Variants in SFMBT2 observed in about 807,000 individuals in gnomAD.
SFMBT2 encodes scm-like with four MBT domains protein 2.
In SFMBT2, 38 loss-of-function variants were observed where a neutral mutation model predicts 110.1. The observed-to-expected ratio is 0.35, with a 90% CI of 0.27 to 0.45. The LOEUF (loss-of-function observed/expected upper bound fraction) is 0.45, where lower values mean the gene tolerates loss of function less well. Among genes scored for constraint, SFMBT2 ranks in the 20% least tolerant of loss-of-function variants. The pLI, the probability that SFMBT2 is intolerant of heterozygous loss-of-function variation, is 1.00. For missense variants in SFMBT2, 1,011 were observed against 1,094.9 expected, an observed-to-expected ratio of 0.92 and a Z score of 1.08; for synonymous variants, 425 against 425.4, an observed-to-expected ratio of 1.00 and a Z score of 0.01.
At chr10:7,294,025 C>T (rs1842333641) in intron 4 of SFMBT2, among the ~76,000 whole-genome samples, 1 of 152,190 alleles carries the variant, frequency 6.6e-6, no homozygotes, top group Admixed American at 6.5e-5. Context: ...CCCAAAGGGA[C>T]CCCAGGAGTC....
intron 1 of SFMBT2, among the ~76,000 whole-genome samples, chr10:7,388,820 G>A (rs1203693917): frequency 6.6e-6 from 1 of 152,174 alleles, no homozygotes; most frequent in Non-Finnish European, 1.5e-5. Flanking sequence ...AGCCCTGCGT[G>A]TCACTCTGCA....
chr10:7,303,528 A>G (rs1842612684), intron 4 of SFMBT2, among the ~76,000 whole-genome samples: 1 of 152,196 alleles, frequency 6.6e-6, no homozygotes, highest in Non-Finnish European at 1.5e-5. Flanking sequence ...AGAAAAAGAG[A>G]AAGAAAGGGT....
chr10:7,183,636 G>A (rs1473351665), intron 16 of SFMBT2, among the ~76,000 whole-genome samples: 1 of 152,152 alleles, frequency 6.6e-6, no homozygotes, highest in Non-Finnish European at 1.5e-5. Flanking sequence ...GGAGAGAGAC[G>A]TAAGAGTAAA....
chr10:7,242,039 C>A (rs1840446565), intron 9 of SFMBT2, among the ~76,000 whole-genome samples: 1 of 152,186 alleles, frequency 6.6e-6, no homozygotes, highest in Non-Finnish European at 1.5e-5. Context: ...CCCACACATA[C>A]TTCCATGAGA....
At chr10:7,315,116 A>G (rs145012132) in intron 4 of SFMBT2, among the ~76,000 whole-genome samples, 2 of 105,276 alleles carry the variant, frequency 1.9e-5, no homozygotes, top group Non-Finnish European at 4.8e-5. Context: ...AAGAAAAAGC[A>G]AGCAAGCAAG....
chr10:7,325,223 C>A (rs1253447369), intron 4 of SFMBT2, among the ~76,000 whole-genome samples: 5 of 152,084 alleles, frequency 3.3e-5, no homozygotes, highest in Non-Finnish European at 5.9e-5. Context: ...CCGCCTTAGC[C>A]TCCCAAAATG....
chr10:7,192,773 G>C (rs1838638608), intron 15 of SFMBT2, among the ~76,000 whole-genome samples: 1 of 152,194 alleles, frequency 6.6e-6, no homozygotes. Flanking sequence ...GGGGGTCGGA[G>C]GTCACATCAC....
intron 4 of SFMBT2, among the ~76,000 whole-genome samples, chr10:7,291,696 T>A (rs1462887905): frequency 6.6e-6 from 1 of 152,050 alleles, no homozygotes. Context: ...ACTCAGAGAG[T>A]GGGCATGGGA....
At chr10:7,348,236 G>T (rs1241554525) in intron 4 of SFMBT2, 2 of 1,459,246 alleles carry the variant, frequency 1.4e-6, no homozygotes, top group African/African-American at 1.4e-5. Context: ...GTGGGATCGG[G>T]GAGTTGTTTC....
chr10:7,168,264 T>C (rs1484397172), intron 20 of SFMBT2, among the ~76,000 whole-genome samples: 3 of 152,218 alleles, frequency 2.0e-5, no homozygotes, highest in Admixed American at 6.5e-5. Flanking sequence ...TGCTTATTAC[T>C]GAGAACTTGT....
intron 10 of SFMBT2, 71 bp from the exon 11 acceptor site, chr10:7,220,608 G>A (rs1839695783): frequency 1.9e-6 from 3 of 1,559,504 alleles, no homozygotes; most frequent in East Asian, 2.3e-5. Context: ...GATGAAGAAA[G>A]AGAAAGAAAT....
At chr10:7,353,075 C>G (rs909944597) in intron 4 of SFMBT2, among the ~76,000 whole-genome samples, 6 of 151,964 alleles carry the variant, frequency 3.9e-5, no homozygotes, top group Non-Finnish European at 8.8e-5. Flanking sequence ...ACAGAAGACA[C>G]CCTTTGCCAA....
At chr10:7,179,737 C>T (rs752258200) in intron 16 of SFMBT2, among the ~76,000 whole-genome samples, 18 of 152,336 alleles carry the variant, frequency 1.2e-4, no homozygotes, top group Non-Finnish European at 2.5e-4. Flanking sequence ...ACACGCGCTG[C>T]CACATCGGAG....
At position 7,231,929 on chromosome 10, in the gene SFMBT2, A is replaced by T. The variant is rs375895636; in HGVS notation, c.1121-3992T>A. Reference sequence around the variant, plus strand: ...ATGGTATAATAGAGATGACAGGGTCAATTATACTCATTAATCAACAAAGAC... The same window carrying T: ...ATGGTATAATAGAGATGACAGGGTCTATTATACTCATTAATCAACAAAGAC... On this transcript the variant is annotated intron_variant, in intron 9 of 20. Transcript: ENST00000397167. 2.0e-5 allele frequency among the ~76,000 whole-genome samples: 3 copies of T among 152,230 alleles called. No individual in the cohort carries two copies. The East Asian group carries it at 5.8e-4, about 29-fold the overall frequency.
At chr10:7,322,122 C>CACTAGGG (rs1473492776) in intron 4 of SFMBT2, among the ~76,000 whole-genome samples, 3 of 152,168 alleles carry the variant, frequency 2.0e-5, no homozygotes, top group Non-Finnish European at 4.4e-5. Context: ...GGGAGGGACC[C>CACTAGGG]ACTAGGGGGG....
chr10:7,226,210 G>A (rs1402091588), intron 10 of SFMBT2, among the ~76,000 whole-genome samples: 6 of 152,226 alleles, frequency 3.9e-5, no homozygotes, highest in Non-Finnish European at 8.8e-5. Flanking sequence ...GCTCCAAGCA[G>A]CCTAGATAAG....
rs1000878783 is a variant in SFMBT2, at chr10:7,329,606, G to A, written c.436+38043C>T. The stretch of plus-strand genomic sequence containing the variant: ...ATTTGCTGATGCTCACAGATTCCTC[G>A]GTTAGAAATCCAGATGGAACACAGC... On this transcript the variant is annotated intron_variant, in intron 4 of 20. Transcript: ENST00000397167. 1.5e-5 allele frequency: 10 copies of A among 659,372 alleles called. No homozygotes were observed. In the Admixed American group the frequency reaches 3.1e-4, roughly 21 times the overall value. The allele number at this position is 659,372 out of a possible 1,614,324, so 40.8% of individuals were successfully genotyped here.
At chr10:7,333,449 G>A (rs1843620845) in intron 4 of SFMBT2, among the ~76,000 whole-genome samples, 1 of 149,718 alleles carries the variant, frequency 6.7e-6, no homozygotes, top group Non-Finnish European at 1.5e-5. Flanking sequence ...CTGGAGTGCA[G>A]TGGCATGATC....
In SFMBT2 at chr10:7,214,108, G is replaced by T. The variant is rs558745389; in HGVS notation, c.1330+6303C>A. On this transcript the variant is annotated intron_variant, in intron 11 of 20. Transcript: ENST00000397167. ...CATCCAGAGACAGAAGTCACCAAGG[G>T]TGGTAGAGAAACGTACTAAAAAGAA... 1.5e-4 allele frequency among the ~76,000 whole-genome samples: 20 copies of T among 131,876 alleles called. No individual in the cohort carries two copies. In the South Asian group the frequency reaches 5.6e-3, roughly 37 times the overall value. 86.5% of individuals were successfully genotyped at this position (131,876 alleles called of 152,430 possible).
Sources: allele counts gnomAD v4.1 joint callset (sites outside exome capture counted in the v4.1 genomes callset), GRCh38; gene constraint gnomAD v4.1.1; transcripts MANE v1.5; gene names NCBI Gene and HGNC (gene_info 2026-07-23, HGNC 2026-07-21).